TTC3: variants seen among roughly 807,000 people sequenced by gnomAD.
TTC3 encodes the protein tetratricopeptide repeat domain 3.
In TTC3, 180 loss-of-function variants were observed where a neutral mutation model predicts 249.6. That is an observed-to-expected ratio of 0.72 (90% CI 0.64 to 0.82). The LOEUF is 0.82. Ranked by LOEUF, TTC3 falls within the 40% of genes least tolerant of loss-of-function variation. TTC3 has a pLI of 0.00. For synonymous variants in TTC3, 717 were observed against 805.0 expected (o/e 0.89, Z 1.85); for missense variants, 2,061 against 2,398.4 (o/e 0.86, Z 2.94).
chr21:37,086,108 G>A (rs2072433075), intron 1 of TTC3: 1 of 152,218 alleles, frequency 6.6e-6, no homozygotes, highest in African/African-American at 2.4e-5. Flanking sequence ...TAGGAAGATT[G>A]TTATTATTCT....
rs1189955084 is a variant in TTC3, at chr21:37,122,440, T to TATATATATATATA, written c.1063+464_1063+476dup. Among the ~76,000 whole-genome samples the TATATATATATATA allele has an allele frequency of 1.9e-3, 44 of 23,082 alleles. 1 individual carries two copies. Among genetic ancestry groups the TATATATATATATA allele is most frequent in the African/African-American group, 7.4e-3 (42 of 5,668 alleles). 15.1% of individuals were successfully genotyped at this position (23,082 alleles called of 152,430 possible). On this transcript the variant is annotated intron_variant, in intron 12 of 45. Coordinates refer to ENST00000355666, the Ensembl canonical transcript of TTC3. ...ATATAATATATATATATATATATTA[T>TATATATATATATA]ATATATATATATAATGTTTTTTATA...
chr21:37,146,982 T>C (rs111764676), intron 21 of TTC3, among the ~76,000 whole-genome samples: 12 of 152,264 alleles, frequency 7.9e-5, no homozygotes, highest in East Asian at 3.9e-4. Context: ...CATGAGTCTC[T>C]TGGGGGCTTC....
intron 20 of TTC3, among the ~76,000 whole-genome samples, chr21:37,142,597 G>A (rs953702108): frequency 6.6e-6 from 1 of 152,054 alleles, no homozygotes; most frequent in African/African-American, 2.4e-5. Context: ...AAATAAAAGA[G>A]GATACAAACA....
At chr21:37,097,230 A>G (rs779776070) in intron 10 of TTC3, among the ~76,000 whole-genome samples, 28 of 152,146 alleles carry the variant, frequency 1.8e-4, no homozygotes, top group Non-Finnish European at 3.5e-4. Context: ...TTTATTAGCT[A>G]AGAAAGATTG....
In TTC3 at chr21:37,148,560, CA is replaced by C. The variant is rs768712487; in HGVS notation, c.2032del (p.Ser678AlafsTer8). ...TGTAACCCTAGGGTTTTATACGCAT[CA>C]GCTGTTGCCAGTACTGTAAAATAGA... On this transcript the variant is annotated frameshift_variant, in exon 23 of 46. Coordinates refer to ENST00000355666, the Ensembl canonical transcript of TTC3. LOFTEE classifies it high-confidence loss of function. 6.3e-7 allele frequency: 1 copy of C among 1,588,628 alleles called. No homozygotes were observed. Among genetic ancestry groups the C allele is most frequent in the Admixed American group, 1.9e-5 (1 of 53,706 alleles).
intron 1 of TTC3, among the ~76,000 whole-genome samples, chr21:37,076,918 C>G (rs906919463): frequency 5.9e-5 from 9 of 151,952 alleles, no homozygotes; most frequent in Admixed American, 2.0e-4. Flanking sequence ...CTAGGCACGT[C>G]TTGAACTCCT....
In TTC3 at chr21:37,152,514, G is replaced by A. The variant is rs1206224567; in HGVS notation, c.2414-437G>A. ...CCATTCTCCTGCCTCAGCCTCCCCA[G>A]TAGCTGGAACTACAGGTGCCCGCCA... On this transcript the variant is annotated intron_variant, in intron 26 of 45. Coordinates refer to ENST00000355666, the Ensembl canonical transcript of TTC3. Among the ~76,000 whole-genome samples, 4 of 151,618 alleles carry A rather than the reference G, an allele frequency of 2.6e-5. No homozygotes were observed. In the East Asian group the frequency reaches 7.8e-4, roughly 30 times the overall value.
intron 26 of TTC3, 91 bp from the exon 27 acceptor site, chr21:37,152,858 CAT>C (rs2079614836): frequency 3.9e-6 from 4 of 1,032,638 alleles, no homozygotes; most frequent in South Asian, 4.7e-5. Flanking sequence ...CAATCTGAAT[CAT>C]ATTTTATATT....
chr21:37,142,269 A>G (rs1353515237), intron 20 of TTC3, among the ~76,000 whole-genome samples: 2 of 152,216 alleles, frequency 1.3e-5, no homozygotes, highest in African/African-American at 2.4e-5. Flanking sequence ...GGCAGGGGAA[A>G]GAAAGAAAGG....
intron 8 of TTC3, among the ~76,000 whole-genome samples, chr21:37,094,450 T>C (rs906402762): frequency 5.9e-5 from 9 of 152,218 alleles, no homozygotes; most frequent in African/African-American, 1.9e-4. Flanking sequence ...TCCCTAATGC[T>C]GTTGATATGA....
At chr21:37,074,980 A>G (rs951521436) in intron 1 of TTC3, among the ~76,000 whole-genome samples, 2 of 151,808 alleles carry the variant, frequency 1.3e-5, no homozygotes, top group South Asian at 2.1e-4. Flanking sequence ...CTTTTTTTTT[A>G]AAGAAATAAA....
chr21:37,137,000 C>A (rs1411845604), intron 18 of TTC3, among the ~76,000 whole-genome samples: 1 of 152,188 alleles, frequency 6.6e-6, no homozygotes, highest in African/African-American at 2.4e-5. Flanking sequence ...GCATGAATGG[C>A]AGCACATCTG....
intron 45 of TTC3, among the ~76,000 whole-genome samples, chr21:37,200,817 G>A (rs767949842): frequency 5.3e-5 from 8 of 152,172 alleles, no homozygotes; most frequent in Non-Finnish European, 8.8e-5. Context: ...GCATTTGTGT[G>A]CACCCCTGCT....
chr21:37,111,823 A>G (rs2075689556), intron 11 of TTC3, among the ~76,000 whole-genome samples: 1 of 152,176 alleles, frequency 6.6e-6, no homozygotes, highest in Non-Finnish European at 1.5e-5. Flanking sequence ...AGCAAATGTA[A>G]AAGAACAGAA....
chr21:37,141,990 A>G (rs2078515722), intron 20 of TTC3, among the ~76,000 whole-genome samples: 1 of 152,204 alleles, frequency 6.6e-6, no homozygotes, highest in African/African-American at 2.4e-5. Context: ...AACAGAACCA[A>G]AGACAAAAAC....
chr21:37,143,379 AG>A (rs2078672769), intron 20 of TTC3, among the ~76,000 whole-genome samples: 1 of 152,002 alleles, frequency 6.6e-6, no homozygotes, highest in Non-Finnish European at 1.5e-5. Flanking sequence ...GAATCTACAA[AG>A]AACTCAAACA....
intron 16 of TTC3, among the ~76,000 whole-genome samples, chr21:37,130,690 G>A (rs984957625): frequency 2.0e-5 from 3 of 152,056 alleles, no homozygotes; most frequent in African/African-American, 7.2e-5. Flanking sequence ...TTCATTTGCT[G>A]TACAGTATTT....
At chr21:37,160,691 T>A (rs1024342666) in intron 29 of TTC3, 111 bp from the exon 30 acceptor site, 2 of 1,102,864 alleles carry the variant, frequency 1.8e-6, no homozygotes, top group African/African-American at 1.6e-5. Flanking sequence ...GTTAAACATT[T>A]TATGTACATT....
intron 17 of TTC3, 50 bp downstream of exon 17, chr21:37,132,816 C>A: frequency 7.3e-7 from 1 of 1,367,364 alleles, no homozygotes; most frequent in Non-Finnish European, 1.0e-6. Flanking sequence ...TTGAACAAAA[C>A]ATTGTTCACA....
Sources: allele counts gnomAD v4.1 joint callset (sites outside exome capture counted in the v4.1 genomes callset), GRCh38; gene constraint gnomAD v4.1.1; transcripts MANE v1.5; gene names NCBI Gene and HGNC (gene_info 2026-07-23, HGNC 2026-07-21).